ST7: variants seen among roughly 807,000 people sequenced by gnomAD.
ST7 encodes suppressor of tumorigenicity 7 protein.
A neutral mutation model predicts 78.7 loss-of-function variants in ST7; 28 were observed. The observed-to-expected ratio is 0.36, with a 90% CI of 0.26 to 0.49. The LOEUF (loss-of-function observed/expected upper bound fraction) is 0.49, where lower values mean the gene tolerates loss of function less well. Among genes scored for constraint, ST7 ranks in the 20% least tolerant of loss-of-function variants. ST7 has a pLI of 0.99. For synonymous variants in ST7, 247 were observed against 249.6 expected, an observed-to-expected ratio of 0.99 and a Z score of 0.10; for missense variants, 418 against 696.0, an observed-to-expected ratio of 0.60 and a Z score of 4.49.
chr7:117,200,760 TAGAG>T lies in ST7; in HGVS notation c.1255-9024_1255-9021del, dbSNP rs1810750957. 2.7e-5 allele frequency among the ~76,000 whole-genome samples: 4 copies of T among 149,162 alleles called. 1 individual carries two copies. Among genetic ancestry groups the T allele is most frequent in the African/African-American group, 9.9e-5 (4 of 40,438 alleles). On this transcript the variant is annotated intron_variant, in intron 12 of 15. Transcript: ENST00000323984. ...GGGAGTGCGGGAAGTCAAGAGAAAA[TAGAG>T]AGGAAAGAATGAAGAGTGTTATGAC...
chr7:116,978,516 AAGAT>A (rs1793803070), intron 1 of ST7, among the ~76,000 whole-genome samples: 2 of 152,170 alleles, frequency 1.3e-5, no homozygotes, highest in South Asian at 4.1e-4. Context: ...ATGACTGACA[AAGAT>A]AGGGCACTAT....
At chr7:117,004,458 C>T (rs922172075) in intron 1 of ST7, among the ~76,000 whole-genome samples, 35 of 152,040 alleles carry the variant, frequency 2.3e-4, no homozygotes, top group Non-Finnish European at 2.9e-5. Context: ...GTCAGGAGTT[C>T]GAGACCAGCC....
chr7:117,013,949 A>T (rs1295010606), intron 1 of ST7, among the ~76,000 whole-genome samples: 2 of 152,246 alleles, frequency 1.3e-5, no homozygotes, highest in Non-Finnish European at 1.5e-5. Flanking sequence ...TTGTATTGAA[A>T]ATTCAAAATC....
chr7:117,134,106 T>C lies in ST7; in HGVS notation c.642-18T>C. 1 of 1,610,798 alleles carries C rather than the reference T, an allele frequency of 6.2e-7. No individual in the cohort carries two copies. The highest frequency in any genetic ancestry group is 1.1e-5 in the South Asian group (1 of 90,910). On this transcript the variant is annotated intron_variant, in intron 6 of 15. Transcript: ENST00000323984. The stretch of plus-strand genomic sequence containing the variant: ...TATCAATTTTCATTTTACCAACTAT[T>C]TTTTTCTTCTTGGTCAGAATTAGGT...
chr7:117,044,610 A>G (rs1797398081), intron 1 of ST7, among the ~76,000 whole-genome samples: 1 of 127,932 alleles, frequency 7.8e-6, no homozygotes, highest in African/African-American at 2.9e-5. Flanking sequence ...CTTGGCCCCT[A>G]AGGTAGGGGT....
intron 10 of ST7, among the ~76,000 whole-genome samples, chr7:117,174,730 T>C (rs1207982734): frequency 6.6e-6 from 1 of 152,220 alleles, no homozygotes; most frequent in East Asian, 1.9e-4. Flanking sequence ...GTGCCAAGCA[T>C]GTTATTAGCT....
chr7:117,199,921 G>A (rs940611408), intron 12 of ST7, among the ~76,000 whole-genome samples: 3 of 152,148 alleles, frequency 2.0e-5, no homozygotes, highest in Non-Finnish European at 4.4e-5. Flanking sequence ...CAGTGGTAGG[G>A]GAGTGGCCTG....
At chr7:116,968,746 A>C (rs1242538840) in intron 1 of ST7, among the ~76,000 whole-genome samples, 5 of 152,136 alleles carry the variant, frequency 3.3e-5, no homozygotes, top group Non-Finnish European at 7.4e-5. Context: ...ATACCAAAAC[A>C]AGGGGATGAG....
At chr7:117,138,307 T>A in intron 8 of ST7, 128 bp from the exon 9 acceptor site, 1 of 537,478 alleles carries the variant, frequency 1.9e-6, no homozygotes, top group Non-Finnish European at 3.3e-6. Context: ...TGCTTTTACT[T>A]TACTTGATCT....
chr7:117,156,453 T>C (rs1024640299), intron 9 of ST7, among the ~76,000 whole-genome samples: 1 of 152,172 alleles, frequency 6.6e-6, no homozygotes, highest in African/African-American at 2.4e-5. Flanking sequence ...CATGTAGAGT[T>C]TCAGATACCT....
At chr7:117,020,503 C>A in intron 1 of ST7, 1 of 1,385,680 alleles carries the variant, frequency 7.2e-7, no homozygotes, top group Non-Finnish European at 9.8e-7. Flanking sequence ...GCTGTGTAGC[C>A]GGCTCATCTC....
intron 9 of ST7, among the ~76,000 whole-genome samples, chr7:117,151,167 A>C (rs950056472): frequency 1.3e-5 from 2 of 152,140 alleles, no homozygotes; most frequent in African/African-American, 4.8e-5. Flanking sequence ...CTTTTTTAAA[A>C]CTCAGATCAG....
In ST7 at chr7:117,083,123, G is replaced by A. The variant is rs565070824; in HGVS notation, c.152-16639G>A. 4.6e-5 allele frequency among the ~76,000 whole-genome samples: 7 copies of A among 151,724 alleles called. No homozygotes were observed. In the South Asian group the frequency reaches 1.0e-3, roughly 23 times the overall value. ...TGCTCAGGCTGGAGTGCAATGGCAC[G>A]ATCTTGGCTCACTGCAGTCTCTACC... On this transcript the variant is annotated intron_variant, in intron 1 of 15. Transcript: ENST00000323984.
chr7:117,226,316 A>C (rs1793442624), intron 15 of ST7, among the ~76,000 whole-genome samples: 1 of 152,130 alleles, frequency 6.6e-6, no homozygotes, highest in Non-Finnish European at 1.5e-5. Flanking sequence ...GCTTTTTCTC[A>C]CCACGAGACA....
intron 1 of ST7, among the ~76,000 whole-genome samples, chr7:117,095,186 G>A (rs989651331): frequency 6.6e-6 from 1 of 152,128 alleles, no homozygotes; most frequent in African/African-American, 2.4e-5. Flanking sequence ...TAATACGGGG[G>A]TTGCTCATAC....
At chr7:117,212,699 T>C (rs1278652033) in intron 13 of ST7, among the ~76,000 whole-genome samples, 1 of 152,228 alleles carries the variant, frequency 6.6e-6, no homozygotes, top group Non-Finnish European at 1.5e-5. Context: ...AAGTAATTTC[T>C]TTTTTCTTCA....
chr7:116,972,876 G>T, intron 1 of ST7: 1 of 1,298,068 alleles, frequency 7.7e-7, no homozygotes. Flanking sequence ...CCTGGATATT[G>T]CCCTTAACCG....
intron 1 of ST7, among the ~76,000 whole-genome samples, chr7:116,965,590 A>T (rs1010661827): frequency 3.3e-5 from 5 of 152,306 alleles, no homozygotes; most frequent in Middle Eastern, 3.4e-3. Flanking sequence ...AAATTTTTTT[A>T]AAAAGTATTC....
At chr7:117,191,636 A>G (rs1809795599) in intron 12 of ST7, 1 of 152,180 alleles carries the variant, frequency 6.6e-6, no homozygotes, top group African/African-American at 2.4e-5. Flanking sequence ...CTCTTTTAGT[A>G]TCTACATGCT....
Sources: allele counts gnomAD v4.1 joint callset (sites outside exome capture counted in the v4.1 genomes callset), GRCh38; gene constraint gnomAD v4.1.1; transcripts MANE v1.5; gene names NCBI Gene and HGNC (gene_info 2026-07-23, HGNC 2026-07-21).